The following HELQ variants were observed in gnomAD, a reference collection of about 807,000 sequenced individuals.
HELQ encodes helicase, POLQ like.
HELQ carries 77 observed loss-of-function variants against 111.6 expected under a neutral mutation model. That is an observed-to-expected ratio of 0.69 (90% CI 0.57 to 0.83). HELQ has a LOEUF of 0.83. Ranked by LOEUF, HELQ falls within the 40% of genes least tolerant of loss-of-function variation. The pLI, the probability that HELQ is intolerant of heterozygous loss-of-function variation, is 0.00. For missense variants in HELQ, 1,200 were observed against 1,288.5 expected, an observed-to-expected ratio of 0.93 and a Z score of 1.05; for synonymous variants, 438 against 454.7, an observed-to-expected ratio of 0.96 and a Z score of 0.47.
Position 83,454,233 on chromosome 4 carries a change from C to A in HELQ, c.298-288G>T, listed in dbSNP as rs544481906. On this transcript the variant is annotated intron_variant, in intron 1 of 17. Transcript: ENST00000295488. ...AACCAAAACAAACAAACAAACAAAACCCCCAAAAAACACTTCAGCCTAGGG... is the reference window on the plus strand; with the variant it reads ...AACCAAAACAAACAAACAAACAAAAACCCCAAAAAACACTTCAGCCTAGGG... Among the ~76,000 whole-genome samples the A allele has an allele frequency of 9.2e-3, 1,401 of 152,170 alleles. 9 individuals carry two copies. The highest frequency in any genetic ancestry group is 0.014 in the Non-Finnish European group (982 of 67,970).
At chr4:83,433,223 T>G (rs1394275637) in intron 9 of HELQ, among the ~76,000 whole-genome samples, 1 of 152,086 alleles carries the variant, frequency 6.6e-6, no homozygotes, top group Non-Finnish European at 1.5e-5. Flanking sequence ...ACCAAATACT[T>G]GAAGAAAACT....
intron 17 of HELQ, among the ~76,000 whole-genome samples, chr4:83,411,181 A>G (rs1028951169): frequency 6.7e-6 from 1 of 150,080 alleles, no homozygotes; most frequent in Non-Finnish European, 1.5e-5. Context: ...AAAAAAAGAA[A>G]GTCAAGCAAC....
In HELQ at chr4:83,448,890, T is replaced by G. The variant is rs1212130137; in HGVS notation, c.1084A>C (p.Ser362Arg). The G allele has an allele frequency of 6.2e-7, 1 of 1,613,260 alleles. No homozygotes were observed. The highest frequency in any genetic ancestry group is 8.5e-7 in the Non-Finnish European group (1 of 1,179,310). Residue 362 changes from serine to arginine, a missense_variant, in exon 3 of 18, where the codon AGT becomes CGT. Around this residue, in one of 3 missense-constraint regions of HELQ, gnomAD observed 610 missense variants for 607.1 expected, o/e 1.00. Coordinates refer to ENST00000295488, the MANE Select transcript of HELQ (RefSeq NM_133636.5). ...TCAGCCACGAGGGTTTTTCCACCACTTGTTGGCAAGGAATATATTAAATTT... is the reference window on the plus strand; with the variant it reads ...TCAGCCACGAGGGTTTTTCCACCACGTGTTGGCAAGGAATATATTAAATTT... The part of the protein sequence containing the change: ...RKNLIYSLPT[S>R]GGKTLVAEIL...
intron 14 of HELQ, among the ~76,000 whole-genome samples, chr4:83,423,019 G>A (rs1349149921): frequency 6.6e-6 from 1 of 152,110 alleles, no homozygotes; most frequent in Non-Finnish European, 1.5e-5. Context: ...ACCTGCTTTG[G>A]CCTGTGGTGC....
chr4:83,410,976 C>A (rs1436792968), intron 17 of HELQ, among the ~76,000 whole-genome samples: 4 of 149,888 alleles, frequency 2.7e-5, no homozygotes, highest in African/African-American at 9.8e-5. Flanking sequence ...CATGGAGAAA[C>A]CCCATCTCTA....
At chr4:83,427,799 T>C in intron 12 of HELQ, 79 bp from the exon 13 acceptor site, 1 of 1,050,080 alleles carries the variant, frequency 9.5e-7, no homozygotes, top group Non-Finnish European at 1.3e-6. Flanking sequence ...TGTGTAGAAA[T>C]TGCTTAAATA....
intron 17 of HELQ, among the ~76,000 whole-genome samples, chr4:83,409,347 G>A (rs1340301562): frequency 9.2e-5 from 14 of 152,118 alleles, no homozygotes; most frequent in African/African-American, 3.4e-4. Flanking sequence ...TCAGGAGATC[G>A]AGACCATCCT....
At chr4:83,443,761 A>G (rs1457957053) in intron 5 of HELQ, 147 bp from the exon 6 acceptor site, 1 of 506,686 alleles carries the variant, frequency 2.0e-6, no homozygotes, top group Non-Finnish European at 3.5e-6. Context: ...GAAAAATACA[A>G]ATAGCTGGGT....
At chr4:83,423,043 T>C (rs1015760146) in intron 14 of HELQ, among the ~76,000 whole-genome samples, 3 of 152,146 alleles carry the variant, frequency 2.0e-5, no homozygotes, top group Non-Finnish European at 4.4e-5. Context: ...ATGACCACAT[T>C]TGTGCATAAA....
chr4:83,426,788 A>T (rs1159762328), intron 13 of HELQ, among the ~76,000 whole-genome samples: 1 of 151,760 alleles, frequency 6.6e-6, no homozygotes, highest in Non-Finnish European at 1.5e-5. Flanking sequence ...CTGGTCTCAA[A>T]CTCCAGACCT....
intron 8 of HELQ, among the ~76,000 whole-genome samples, chr4:83,437,780 A>G (rs571357429): frequency 6.6e-6 from 1 of 152,060 alleles, no homozygotes; most frequent in Non-Finnish European, 1.5e-5. Flanking sequence ...TCTTTATAAC[A>G]TATATCTTTA....
chr4:83,407,564 C>T lies in HELQ; in HGVS notation c.3199-4G>A, dbSNP rs200680541. ...CTGCTTTTTCATGCAACAGCATCTACATTAAAAAATTAAGACGTGAGGCCA... is the reference window on the plus strand; with the variant it reads ...CTGCTTTTTCATGCAACAGCATCTATATTAAAAAATTAAGACGTGAGGCCA... On this transcript the variant is annotated splice_polypyrimidine_tract_variant and splice_region_variant and intron_variant, in intron 17 of 17. Transcript: ENST00000295488. The T allele has an allele frequency of 8.9e-5, 143 of 1,603,038 alleles. No individual in the cohort carries two copies. Among genetic ancestry groups the T allele is most frequent in the Non-Finnish European group, 1.1e-4 (133 of 1,174,218 alleles).
chr4:83,435,758 C>T (rs113733652), intron 9 of HELQ, among the ~76,000 whole-genome samples: 190 of 152,148 alleles, frequency 1.2e-3, no homozygotes, highest in African/African-American at 4.4e-3. Flanking sequence ...TAAGGACATG[C>T]TAAGCCTCTT....
intron 14 of HELQ, among the ~76,000 whole-genome samples, chr4:83,423,439 AG>A: frequency 6.6e-6 from 1 of 152,346 alleles, no homozygotes; most frequent in South Asian, 2.1e-4. Context: ...AAGCTGAAAA[AG>A]TATGACAGCT....
In HELQ at chr4:83,432,115, T is replaced by C. The variant is rs201043109; in HGVS notation, c.2190+11A>G. Reference sequence around the variant, plus strand: ...AGACAAAAACAACCAACCAACCAAATTGAGTATTACCTGTTGTTTGTCTTT... The same window carrying C: ...AGACAAAAACAACCAACCAACCAAACTGAGTATTACCTGTTGTTTGTCTTT... On this transcript the variant is annotated intron_variant, in intron 10 of 17. Transcript: ENST00000295488. The C allele has an allele frequency of 2.0e-5, 31 of 1,555,732 alleles. No individual in the cohort carries two copies. Among genetic ancestry groups the C allele is most frequent in the Admixed American group, 3.9e-5 (2 of 50,782 alleles).
intron 8 of HELQ, among the ~76,000 whole-genome samples, chr4:83,439,553 G>C (rs547482313): frequency 6.7e-6 from 1 of 149,806 alleles, no homozygotes; most frequent in Non-Finnish European, 1.5e-5. Context: ...TAGAGATGGG[G>C]TTTCACCGTG....
chr4:83,451,515 A>AT (rs1362956660), intron 2 of HELQ, among the ~76,000 whole-genome samples: 1 of 151,928 alleles, frequency 6.6e-6, no homozygotes, highest in Non-Finnish European at 1.5e-5. Context: ...ACAAAAAAAA[A>AT]ATTAGCCGGG....
chr4:83,409,437 C>T (rs1337354127), intron 17 of HELQ, among the ~76,000 whole-genome samples: 3 of 151,934 alleles, frequency 2.0e-5, no homozygotes, highest in Non-Finnish European at 2.9e-5. Flanking sequence ...GCCTGTAGTC[C>T]GAGCTACTTA....
rs770122987 is a variant in HELQ, at chr4:83,436,932, G to A, written c.1974C>T (p.Ala658=). Residue 658 remains alanine (A), a synonymous_variant, in exon 9 of 18, where the codon GCC becomes GCT. Transcript: ENST00000295488. ...TSDERKLLEE[A]YSTGVLCLFT... ...AAAGACAGAGCACTCCTGTGGAGTA[G>A]GCCTCCTCCAAGAGTTTCCTTTCAT... 1.9e-6 allele frequency: 3 copies of A among 1,614,208 alleles called. No homozygotes were observed. Among genetic ancestry groups the A allele is most frequent in the Non-Finnish European group, 1.7e-6 (2 of 1,180,018 alleles).
Sources: allele counts gnomAD v4.1 joint callset (sites outside exome capture counted in the v4.1 genomes callset), GRCh38; gene constraint gnomAD v4.1.1; regional missense constraint gnomAD v4.1.1; transcripts MANE v1.5; gene names NCBI Gene and HGNC (gene_info 2026-07-23, HGNC 2026-07-21).